ARHGEF3: variants seen among roughly 807,000 people sequenced by gnomAD.
The protein encoded by ARHGEF3 is 59.8 kDA protein.
A neutral mutation model predicts 63.2 loss-of-function variants in ARHGEF3; 28 were observed. That is an observed-to-expected ratio of 0.44 (90% CI 0.33 to 0.61). The LOEUF (loss-of-function observed/expected upper bound fraction) is 0.61, where lower values mean the gene tolerates loss of function less well. ARHGEF3 is among the 20% of genes least tolerant of loss of function. The pLI, the probability that ARHGEF3 is intolerant of heterozygous loss-of-function variation, is 0.03. For synonymous variants in ARHGEF3, 266 were observed against 254.2 expected (o/e 1.05, Z -0.44); for missense variants, 533 against 659.3 (o/e 0.81, Z 2.10).
intron 1 of ARHGEF3, among the ~76,000 whole-genome samples, chr3:56,776,866 A>G (rs2036308789): frequency 6.6e-6 from 1 of 152,116 alleles, no homozygotes; most frequent in African/African-American, 2.4e-5. Context: ...AAGTGCAGAC[A>G]CCACCCCCCA....
At chr3:56,846,558 A>G (rs546804908) in intron 4 of ARHGEF3, among the ~76,000 whole-genome samples, 6 of 152,220 alleles carry the variant, frequency 3.9e-5, no homozygotes, top group Non-Finnish European at 5.9e-5. Flanking sequence ...AAAGGGGCAC[A>G]TTTGTATAAA....
intron 4 of ARHGEF3, among the ~76,000 whole-genome samples, chr3:56,875,034 G>A (rs2040540697): frequency 6.6e-6 from 1 of 152,164 alleles, no homozygotes; most frequent in South Asian, 2.1e-4. Context: ...AATTAGCACT[G>A]TGATTGGGAG....
intron 6 of ARHGEF3, among the ~76,000 whole-genome samples, chr3:56,748,032 T>C (rs559976704): frequency 1.3e-5 from 2 of 152,340 alleles, no homozygotes; most frequent in South Asian, 4.1e-4. Flanking sequence ...TTATTACTTG[T>C]CCCAAGAAGT....
Position 56,745,307 on chromosome 3 carries a change from G to C in ARHGEF3, c.768C>G (p.Leu256=). Residue 256 remains leucine (L), a synonymous_variant, in exon 7 of 10, where the codon CTC becomes CTG. Coordinates refer to ENST00000296315, the MANE Select transcript of ARHGEF3 (RefSeq NM_019555.3). ...FSRKLDLWNF[L]DIPRSRLVKY... Reference sequence around the variant, plus strand: ...TTACCAGGCGGCTTCTTGGAATATCGAGGAAATTCCAGAGATCTAGTTTGC... The same window carrying C: ...TTACCAGGCGGCTTCTTGGAATATCCAGGAAATTCCAGAGATCTAGTTTGC... 6.2e-7 allele frequency: 1 copy of C among 1,613,980 alleles called. No individual in the cohort carries two copies. The highest frequency in any genetic ancestry group is 8.5e-7 in the Non-Finnish European group (1 of 1,180,010).
At chr3:56,901,346 G>A (rs138085819) in intron 3 of ARHGEF3, among the ~76,000 whole-genome samples, 10 of 150,694 alleles carry the variant, frequency 6.6e-5, no homozygotes, top group African/African-American at 1.9e-4. Flanking sequence ...GCAAAATGGA[G>A]AGTAAACAAG....
chr3:56,786,748 A>C (rs897130617), intron 1 of ARHGEF3, among the ~76,000 whole-genome samples: 5 of 152,220 alleles, frequency 3.3e-5, no homozygotes, highest in Admixed American at 2.0e-4. Context: ...CACACAACAA[A>C]GAAGGCAAGG....
intron 6 of ARHGEF3, among the ~76,000 whole-genome samples, chr3:56,745,951 G>C (rs1390058157): frequency 6.6e-6 from 1 of 152,182 alleles, no homozygotes; most frequent in African/African-American, 2.4e-5. Context: ...GATTACAGGC[G>C]TGAGCCTGTA....
intron 8 of ARHGEF3, 125 bp downstream of exon 8, chr3:56,737,060 C>T (rs554739355): frequency 6.6e-5 from 74 of 1,114,246 alleles, no homozygotes; most frequent in Admixed American, 1.5e-4. Flanking sequence ...GGTGACAAAG[C>T]GAGACTCCAT....
chr3:57,062,377 G>C (rs1250335084), intron 1 of ARHGEF3, among the ~76,000 whole-genome samples: 2 of 152,176 alleles, frequency 1.3e-5, no homozygotes, highest in East Asian at 1.9e-4. Context: ...CCACAGCCGA[G>C]GGGAGGGGAA....
Position 57,072,715 on chromosome 3 carries a change from C to T in ARHGEF3, c.-28+6511G>A, listed in dbSNP as rs1448232632. Among the ~76,000 whole-genome samples, 9 of 124,616 alleles carry T rather than the reference C, an allele frequency of 7.2e-5. No individual in the cohort carries two copies. In the East Asian group the frequency reaches 1.8e-3, roughly 25 times the overall value. 81.8% of individuals were successfully genotyped at this position (124,616 alleles called of 152,430 possible). ...TGAGATACCACCCTGGGCAACAGAACGAGACTCTGTCAAAAAAAAAAAAAA... is the reference window on the plus strand; with the variant it reads ...TGAGATACCACCCTGGGCAACAGAATGAGACTCTGTCAAAAAAAAAAAAAA... On this transcript the variant is annotated intron_variant, in intron 1 of 12. Coordinates refer to the ARHGEF3 transcript ENST00000338458.
At chr3:56,741,215 C>T (rs140890731) in intron 7 of ARHGEF3, among the ~76,000 whole-genome samples, 9,449 of 110,176 alleles carry the variant, frequency 0.086, 409 homozygotes, top group Middle Eastern at 0.21. Context: ...GACTGAGTTT[C>T]GCTCTTGTTG....
chr3:56,775,023 G>T, intron 1 of ARHGEF3: 2 of 1,548,216 alleles, frequency 1.3e-6, no homozygotes, highest in South Asian at 2.4e-5. Context: ...AGCTCCATCT[G>T]ACCTGTAGTA....
chr3:56,896,141 G>T (rs2041295583), intron 3 of ARHGEF3, among the ~76,000 whole-genome samples: 1 of 152,108 alleles, frequency 6.6e-6, no homozygotes, highest in East Asian at 1.9e-4. Context: ...GTTTATTTGA[G>T]AATTTATTTT....
intron 2 of ARHGEF3, among the ~76,000 whole-genome samples, chr3:56,987,345 A>T (rs1262800518): frequency 6.6e-6 from 1 of 152,140 alleles, no homozygotes; most frequent in Non-Finnish European, 1.5e-5. Flanking sequence ...CCACAGGGAG[A>T]GCAGAGCTCT....
At chr3:56,865,631 T>C (rs976302178) in intron 4 of ARHGEF3, among the ~76,000 whole-genome samples, 2 of 152,228 alleles carry the variant, frequency 1.3e-5, no homozygotes, top group African/African-American at 2.4e-5. Flanking sequence ...GGCATGTGGC[T>C]AGTGAGGTGT....
At chr3:56,963,577 G>C (rs1388076764) in intron 2 of ARHGEF3, among the ~76,000 whole-genome samples, 1 of 152,136 alleles carries the variant, frequency 6.6e-6, no homozygotes, top group Non-Finnish European at 1.5e-5. Context: ...ATATTTTACT[G>C]TCTGAATTCT....
At chr3:56,953,482 C>A (rs1255990979) in intron 3 of ARHGEF3, among the ~76,000 whole-genome samples, 2 of 152,210 alleles carry the variant, frequency 1.3e-5, no homozygotes, top group African/African-American at 4.8e-5. Context: ...GAAACAGAGT[C>A]CCTTTTGGTA....
intron 2 of ARHGEF3, among the ~76,000 whole-genome samples, chr3:56,967,912 T>TGTAATATATTATAA (rs1255766971): frequency 2.9e-5 from 2 of 69,770 alleles, no homozygotes; most frequent in African/African-American, 1.2e-4. Context: ...ATATATTATA[T>TGTAATATATTATAA]ATAATATATT....
At chr3:56,981,009 A>G (rs1016793716) in intron 2 of ARHGEF3, among the ~76,000 whole-genome samples, 2 of 152,176 alleles carry the variant, frequency 1.3e-5, no homozygotes, top group Non-Finnish European at 2.9e-5. Flanking sequence ...CAAGCCTTCC[A>G]CCATTCAACA....
Sources: allele counts gnomAD v4.1 joint callset (sites outside exome capture counted in the v4.1 genomes callset), GRCh38; gene constraint gnomAD v4.1.1; transcripts MANE v1.5; gene names NCBI Gene and HGNC (gene_info 2026-07-23, HGNC 2026-07-21).